Variants in TICAM2 observed in about 807,000 individuals in gnomAD.
The protein encoded by TICAM2 is TIR domain containing adaptor molecule 2, also known as TIR domain-containing adapter molecule 2.
Under a neutral mutation model 7.3 loss-of-function variants are expected in TICAM2, and 8 were observed. The observed-to-expected ratio is 1.10, with a 90% confidence interval of 0.65 to 1.99. The LOEUF is 1.99. Ranked by LOEUF, TICAM2 falls within the 30% of genes most tolerant of loss-of-function variation. The probability of loss-of-function intolerance (pLI) is 0.00; values close to 1 mark genes in which losing one functional copy is unlikely to be tolerated. For synonymous variants in TICAM2, 113 were observed against 99.6 expected (o/e 1.13, Z -0.80); for missense variants, 304 against 278.8 (o/e 1.09, Z -0.65).
intron 1 of TICAM2, among the ~76,000 whole-genome samples, chr5:115,599,977 C>T (rs890361080): frequency 2.0e-5 from 3 of 151,680 alleles, no homozygotes; most frequent in Non-Finnish European, 4.4e-5. Flanking sequence ...TGTAGAGGAG[C>T]AAGGGCAGAG....
At chr5:115,596,914 G>A (rs141850587) in intron 1 of TICAM2, among the ~76,000 whole-genome samples, 22 of 152,108 alleles carry the variant, frequency 1.4e-4, no homozygotes, top group African/African-American at 4.1e-4. Context: ...GTGAGACTCC[G>A]TCTCAAAAAC....
At chr5:115,581,355 A>G in intron 1 of TICAM2, 40 bp from the exon 2 acceptor site, 1 of 1,528,576 alleles carries the variant, frequency 6.5e-7, no homozygotes, top group Admixed American at 2.1e-5. Flanking sequence ...TATAAATTTA[A>G]TCAAAACATT....
At chr5:115,598,331 A>AT (rs1439840637) in intron 1 of TICAM2, among the ~76,000 whole-genome samples, 1 of 152,048 alleles carries the variant, frequency 6.6e-6, no homozygotes, top group African/African-American at 2.4e-5. Context: ...TCTGTTTTTT[A>AT]TTTATATGCA....
At chr5:115,586,249 C>A (rs1755100777) in intron 1 of TICAM2, among the ~76,000 whole-genome samples, 1 of 152,054 alleles carries the variant, frequency 6.6e-6, no homozygotes. Context: ...ATTAACTATT[C>A]CTACAGTGAT....
intron 1 of TICAM2, among the ~76,000 whole-genome samples, chr5:115,593,608 T>C (rs1433816443): frequency 6.6e-6 from 1 of 152,226 alleles, no homozygotes; most frequent in Non-Finnish European, 1.5e-5. Flanking sequence ...TAAATTGATA[T>C]ATAGATTCAA....
In TICAM2 at chr5:115,580,891, T is replaced by A. The variant is rs761730802; in HGVS notation, c.366A>T (p.Leu122Phe). Residue 122 changes from leucine to phenylalanine, a missense_variant, in exon 2 of 2, where the codon TTA (leucine) becomes TTT (phenylalanine). Physicochemically the swap from Leu to Phe is conservative, Grantham distance 22. Coordinates refer to ENST00000427199, the MANE Select transcript of TICAM2 (RefSeq NM_021649.7). Reference sequence around the variant, plus strand: ...CATTTACAGCATCATCTAAATTCTGTAAATGCTGTCTGCCACATGGCATCT... The same window carrying A: ...CATTTACAGCATCATCTAAATTCTGAAAATGCTGTCTGCCACATGGCATCT... The part of the protein sequence containing the change: ...FAEMPCGRQH[L>F]QNLDDAVNGS... 6.2e-7 allele frequency: 1 copy of A among 1,613,816 alleles called. No individual in the cohort carries two copies. Among genetic ancestry groups the A allele is most frequent in the Non-Finnish European group, 8.5e-7 (1 of 1,179,744 alleles).
intron 1 of TICAM2, among the ~76,000 whole-genome samples, chr5:115,592,433 G>A (rs1272145618): frequency 6.6e-6 from 1 of 152,236 alleles, no homozygotes; most frequent in African/African-American, 2.4e-5. Context: ...ATGATGGTTT[G>A]CTGCACAGAT....
At position 115,580,517 on chromosome 5, in the gene TICAM2, AC is replaced by A; in HGVS notation, c.*31del. ...GAAGATTAATCATTTGGTTTACAAAACAAGAGCCAGCCACATGTTATATGTT... is the reference window on the plus strand; with the variant it reads ...GAAGATTAATCATTTGGTTTACAAAAAAGAGCCAGCCACATGTTATATGTT... On this transcript the variant is annotated 3_prime_UTR_variant, in exon 2 of 2. Transcript: ENST00000427199. The A allele has an allele frequency of 6.5e-7, 1 of 1,534,124 alleles. No individual in the cohort carries two copies. Among genetic ancestry groups the A allele is most frequent in the Non-Finnish European group, 8.7e-7 (1 of 1,148,224 alleles).
chr5:115,598,942 A>C (rs1391403848), intron 1 of TICAM2, among the ~76,000 whole-genome samples: 4 of 152,080 alleles, frequency 2.6e-5, no homozygotes, highest in Non-Finnish European at 5.9e-5. Context: ...TCAAAAGAGA[A>C]CTGGAGCCAG....
intron 1 of TICAM2, among the ~76,000 whole-genome samples, chr5:115,600,519 A>AT (rs201466739): frequency 0.013 from 1,970 of 152,342 alleles, 58 homozygotes; most frequent in African/African-American, 0.045. Context: ...TGGAGACACA[A>AT]TGAAGCAGAA....
At chr5:115,596,529 T>TA (rs1248723079) in intron 1 of TICAM2, among the ~76,000 whole-genome samples, 1 of 152,148 alleles carries the variant, frequency 6.6e-6, no homozygotes, top group Non-Finnish European at 1.5e-5. Context: ...TTACTAGTGT[T>TA]AAAAAACCGG....
Position 115,581,008 on chromosome 5 carries a change from T to C in TICAM2, c.249A>G (p.Ile83Met). Residue 83 changes from isoleucine (I) to methionine (M), a missense_variant, in exon 2 of 2, where the codon ATA becomes ATG. Coordinates refer to ENST00000427199, the MANE Select transcript of TICAM2 (RefSeq NM_021649.7). ...CATCTGTGTCATCTTCTGCATGCAA[T>C]ATCACAAATTTGAGGAACACCTCTT... ...AEEEVFLKFV[I>M]LHAEDDTDEA... 6.2e-7 allele frequency: 1 copy of C among 1,614,120 alleles called. No individual in the cohort carries two copies. The highest frequency in any genetic ancestry group is 2.2e-5 in the East Asian group (1 of 44,882).
rs886507270 is a variant in TICAM2, at chr5:115,578,884, T to C, written c.*1665A>G. On this transcript the variant is annotated 3_prime_UTR_variant, in exon 2 of 2. Transcript: ENST00000427199. ...TCACTATGCAATGAAAACCATCTCC[T>C]CCTCTAATAAGTACTAACAGAATAG... The C allele has an allele frequency of 2.0e-5, 3 of 152,468 alleles. No homozygotes were observed. The highest frequency in any genetic ancestry group is 6.5e-5 in the Admixed American group (1 of 15,274). 9.4% of individuals were successfully genotyped at this position (152,468 alleles called of 1,614,324 possible). A position where few individuals can be genotyped will look rare whatever the true frequency, so the allele number is the denominator to read the frequency against.
Position 115,582,727 on chromosome 5 carries a change from C to T in TICAM2, c.-59-1412G>A, listed in dbSNP as rs546447570. On this transcript the variant is annotated intron_variant, in intron 1 of 1. Coordinates refer to ENST00000427199, the MANE Select transcript of TICAM2 (RefSeq NM_021649.7). ...CAGACTATATTCCAGAGCATTTCTA[C>T]TTGTTCTTTATGGGCAAAGGCCATA... Among the ~76,000 whole-genome samples the T allele has an allele frequency of 5.6e-4, 86 of 152,304 alleles. 1 individual carries two copies. Among genetic ancestry groups the T allele is most frequent in the African/African-American group, 1.7e-3 (70 of 41,570 alleles).
rs1754858318 is a variant in TICAM2 at position 115,580,027 on chromosome 5, C to G, written c.*522G>C. 1 of 152,220 alleles carries G rather than the reference C, an allele frequency of 6.6e-6. No individual in the cohort carries two copies. Among genetic ancestry groups the G allele is most frequent in the Non-Finnish European group, 1.5e-5 (1 of 68,056 alleles). 9.4% of individuals were successfully genotyped at this position (152,220 alleles called of 1,614,324 possible). A position where few individuals can be genotyped will look rare whatever the true frequency, so the allele number is the denominator to read the frequency against. ...AGTTCCACCATTCTCACATCTATTT[C>G]TGATTTTATATGCATCAACGCTTAA... On this transcript the variant is annotated 3_prime_UTR_variant, in exon 2 of 2. Transcript: ENST00000427199.
At chr5:115,594,291 AAACTGTGTGTATGT>A (rs1174896256) in intron 1 of TICAM2, among the ~76,000 whole-genome samples, 1 of 152,244 alleles carries the variant, frequency 6.6e-6, no homozygotes, top group Non-Finnish European at 1.5e-5. Context: ...TGCTTGCTTT[AAACTGTGTGTATGT>A]ATACATACAT....
At chr5:115,599,173 C>T (rs1026764519) in intron 1 of TICAM2, among the ~76,000 whole-genome samples, 3 of 151,806 alleles carry the variant, frequency 2.0e-5, no homozygotes, top group African/African-American at 4.8e-5. Flanking sequence ...ATTCTCTGAA[C>T]AAGTGTCTTT....
chr5:115,589,699 C>T lies in TICAM2; in HGVS notation c.-59-8384G>A, dbSNP rs189152812. Among the ~76,000 whole-genome samples the T allele has an allele frequency of 1.8e-3, 269 of 152,276 alleles. 1 individual carries two copies. The highest frequency in any genetic ancestry group is 4.1e-3 in the Admixed American group (62 of 15,298). On this transcript the variant is annotated intron_variant, in intron 1 of 1. Coordinates refer to ENST00000427199, the MANE Select transcript of TICAM2 (RefSeq NM_021649.7). ...CAAAGCCTAGCACTCTGTATCTTTCCTTCATGGCACTAATCACAATTAATT... is the reference window on the plus strand; with the variant it reads ...CAAAGCCTAGCACTCTGTATCTTTCTTTCATGGCACTAATCACAATTAATT...
intron 1 of TICAM2, among the ~76,000 whole-genome samples, chr5:115,581,579 G>C (rs1198988380): frequency 6.6e-6 from 1 of 152,168 alleles, no homozygotes; most frequent in Non-Finnish European, 1.5e-5. Context: ...TGTTATATTA[G>C]CACTACAAAC....
Sources: allele counts gnomAD v4.1 joint callset (sites outside exome capture counted in the v4.1 genomes callset), GRCh38; gene constraint gnomAD v4.1.1; transcripts MANE v1.5; gene names NCBI Gene and HGNC (gene_info 2026-07-23, HGNC 2026-07-21).